Variants in MALRD1 observed in about 807,000 individuals in gnomAD.
MALRD1 encodes MAM and LDL-receptor class A domain-containing protein 1.
MALRD1 carries 247 observed loss-of-function variants against 242.1 expected under a neutral mutation model. The observed-to-expected ratio is 1.02, with a 90% CI of 0.92 to 1.13. MALRD1 has a LOEUF of 1.13. MALRD1 is among the 50% of genes most tolerant of loss of function. The pLI, the probability that MALRD1 is intolerant of heterozygous loss-of-function variation, is 0.00. For synonymous variants in MALRD1, 995 were observed against 866.6 expected (o/e 1.15, Z -2.60); for missense variants, 2,989 against 2,533.1 (o/e 1.18, Z -3.86).
At chr10:19,586,935 G>A (rs1479779569) in intron 33 of MALRD1, among the ~76,000 whole-genome samples, 1 of 152,226 alleles carries the variant, frequency 6.6e-6, no homozygotes, top group African/African-American at 2.4e-5. Context: ...CTGGTGCTCC[G>A]TTTTTTAGGC....
At position 19,168,415 on chromosome 10, in the gene MALRD1, G is replaced by A. The variant is rs548012444; in HGVS notation, c.1830+2605G>A. ...AAACTCACCAAGAAGATCGTTCAGA[G>A]TTTGTCATTAATTGACATATTGAGA... On this transcript the variant is annotated intron_variant, in intron 13 of 39. Transcript: ENST00000454679. Among the ~76,000 whole-genome samples, 9 of 152,306 alleles carry A rather than the reference G, an allele frequency of 5.9e-5. No homozygotes were observed. In the South Asian group the frequency reaches 1.9e-3, roughly 32 times the overall value.
chr10:19,714,809 G>A (rs1176408134), intron 38 of MALRD1, among the ~76,000 whole-genome samples: 1 of 152,076 alleles, frequency 6.6e-6, no homozygotes, highest in African/African-American at 2.4e-5. Flanking sequence ...AAGGTGTGTG[G>A]GCAGGGTGGA....
At chr10:19,328,263 A>C (rs1035125814) in intron 23 of MALRD1, among the ~76,000 whole-genome samples, 1 of 152,144 alleles carries the variant, frequency 6.6e-6, no homozygotes, top group African/African-American at 2.4e-5. Flanking sequence ...GTTTGGCACA[A>C]AGCATATTTC....
At chr10:19,163,137 T>TAAA (rs58034381) in intron 12 of MALRD1, among the ~76,000 whole-genome samples, 835 of 43,814 alleles carry the variant, frequency 0.019, 130 homozygotes, top group East Asian at 0.033. Flanking sequence ...AAACCCTGTC[T>TAAA]AAAAAAAAAA....
chr10:19,505,791 A>G (rs896919682), intron 31 of MALRD1, among the ~76,000 whole-genome samples: 1 of 152,222 alleles, frequency 6.6e-6, no homozygotes, highest in African/African-American at 2.4e-5. Flanking sequence ...AAGTCAGGGA[A>G]GGGCAGTCTA....
chr10:19,602,172 G>A (rs907551272), intron 34 of MALRD1, among the ~76,000 whole-genome samples: 1 of 47,328 alleles, frequency 2.1e-5, no homozygotes, highest in Non-Finnish European at 4.4e-5. Context: ...TTTTTTTTTT[G>A]TCCGTCTTTG....
chr10:19,336,172 C>G (rs935996372), intron 24 of MALRD1, among the ~76,000 whole-genome samples: 2 of 152,278 alleles, frequency 1.3e-5, no homozygotes, highest in East Asian at 1.9e-4. Flanking sequence ...TTCTACAATA[C>G]AGGATGTAGT....
At chr10:19,475,660 A>G (rs1394709302) in intron 29 of MALRD1, among the ~76,000 whole-genome samples, 1 of 152,198 alleles carries the variant, frequency 6.6e-6, no homozygotes, top group Non-Finnish European at 1.5e-5. Flanking sequence ...GTCAAAGACA[A>G]TATTAGGCTG....
Position 19,396,597 on chromosome 10 carries a change from A to T in MALRD1, c.4845+6988A>T, listed in dbSNP as rs1846590791. ...GTTGAATAATCAGGATTAAAAAACAATTCTAGCTTCTATATTCATACTCTT... is the reference window on the plus strand; with the variant it reads ...GTTGAATAATCAGGATTAAAAAACATTTCTAGCTTCTATATTCATACTCTT... On this transcript the variant is annotated intron_variant, in intron 28 of 39. Transcript: ENST00000454679. Among the ~76,000 whole-genome samples, 3 of 152,232 alleles carry T rather than the reference A, an allele frequency of 2.0e-5. No individual in the cohort carries two copies. The South Asian group carries it at 6.2e-4, about 31-fold the overall frequency.
intron 18 of MALRD1, among the ~76,000 whole-genome samples, chr10:19,216,368 G>A (rs574345088): frequency 1.6e-4 from 24 of 151,472 alleles, no homozygotes; most frequent in East Asian, 1.4e-3. Context: ...TGCCTGACTC[G>A]GCCTCCCAAA....
intron 30 of MALRD1, among the ~76,000 whole-genome samples, chr10:19,496,023 A>G (rs1048158726): frequency 6.6e-6 from 1 of 152,324 alleles, no homozygotes; most frequent in East Asian, 1.9e-4. Context: ...AGACCTAACT[A>G]TCCTAAATAT....
At chr10:19,408,344 T>G in intron 28 of MALRD1, among the ~76,000 whole-genome samples, 1 of 152,126 alleles carries the variant, frequency 6.6e-6, no homozygotes, top group Non-Finnish European at 1.5e-5. Context: ...GTTGGAAAAT[T>G]GGGCCAGTTT....
chr10:19,057,397 C>G (rs539417714), intron 1 of MALRD1, among the ~76,000 whole-genome samples: 49 of 152,228 alleles, frequency 3.2e-4, no homozygotes, highest in African/African-American at 1.1e-3. Context: ...CAGATCACCT[C>G]TCCCGTGGCT....
intron 2 of MALRD1, among the ~76,000 whole-genome samples, chr10:19,072,403 A>G (rs552158874): frequency 6.6e-6 from 1 of 152,288 alleles, no homozygotes; most frequent in South Asian, 2.1e-4. Context: ...GGAAATGTAT[A>G]ATTAATATCA....
At chr10:19,475,468 A>T (rs1256327956) in intron 29 of MALRD1, among the ~76,000 whole-genome samples, 4 of 152,188 alleles carry the variant, frequency 2.6e-5, no homozygotes, top group Non-Finnish European at 5.9e-5. Context: ...AGCTTTGTTA[A>T]CAATTACAAA....
intron 28 of MALRD1, among the ~76,000 whole-genome samples, chr10:19,400,069 C>T (rs1846765418): frequency 6.6e-6 from 1 of 152,176 alleles, no homozygotes; most frequent in Non-Finnish European, 1.5e-5. Flanking sequence ...TGCTTTCATT[C>T]ATTGCGATTT....
intron 28 of MALRD1, among the ~76,000 whole-genome samples, chr10:19,395,928 C>T (rs1846556974): frequency 6.6e-6 from 1 of 151,986 alleles, no homozygotes; most frequent in Admixed American, 6.6e-5. Context: ...AAAAGATTTC[C>T]GTTAGGATGC....
intron 14 of MALRD1, among the ~76,000 whole-genome samples, chr10:19,202,493 A>G (rs1406055666): frequency 6.6e-6 from 1 of 152,190 alleles, no homozygotes; most frequent in Non-Finnish European, 1.5e-5. Context: ...TCTTACAATT[A>G]GGTTAAATTC....
chr10:19,184,800 G>T (rs1168286166), intron 14 of MALRD1, among the ~76,000 whole-genome samples: 1 of 152,082 alleles, frequency 6.6e-6, no homozygotes, highest in East Asian at 1.9e-4. Context: ...CACTCGCCTT[G>T]GCCTCCCGAA....
Sources: allele counts gnomAD v4.1 joint callset (sites outside exome capture counted in the v4.1 genomes callset), GRCh38; gene constraint gnomAD v4.1.1; transcripts MANE v1.5; gene names NCBI Gene and HGNC (gene_info 2026-07-23, HGNC 2026-07-21).